STX3: variants seen among roughly 807,000 people sequenced by gnomAD.
STX3 encodes syntaxin 3.
In STX3, 19 loss-of-function variants were observed where a neutral mutation model predicts 40.2. The ratio of observed to expected loss-of-function variants is 0.47; its 90% CI spans 0.33 to 0.69. The LOEUF (loss-of-function observed/expected upper bound fraction) is 0.69. STX3 is among the 30% of genes least tolerant of loss of function. The pLI is 0.02. For missense variants in STX3, 364 were observed against 366.7 expected (o/e 0.99, Z 0.06); for synonymous variants, 122 against 132.2 (o/e 0.92, Z 0.53).
intron 2 of STX3, among the ~76,000 whole-genome samples, chr11:59,783,052 A>G (rs1259802039): frequency 6.6e-6 from 1 of 151,456 alleles, no homozygotes; most frequent in Non-Finnish European, 1.5e-5. Flanking sequence ...GGAATATATT[A>G]GCTGTAAATT....
chr11:59,793,959 C>A (rs1175812315), intron 8 of STX3, among the ~76,000 whole-genome samples: 1 of 152,062 alleles, frequency 6.6e-6, no homozygotes, highest in East Asian at 1.9e-4. Flanking sequence ...GAGATCCGGG[C>A]TCCTAATGGT....
chr11:59,801,017 C>T lies in STX3; in HGVS notation c.*193C>T. 6.6e-7 allele frequency: 1 copy of T among 1,509,066 alleles called. No homozygotes were observed. Among genetic ancestry groups the T allele is most frequent in the Non-Finnish European group, 8.8e-7 (1 of 1,132,216 alleles). 93.5% of individuals were successfully genotyped at this position (1,509,066 alleles called of 1,614,324 possible). On this transcript the variant is annotated 3_prime_UTR_variant, in exon 11 of 11. Coordinates refer to ENST00000337979, the MANE Select transcript of STX3 (RefSeq NM_004177.5). ...TCTAGCCCTGGGGGAATGTGATCTA[C>T]CTGATGCGACCCTGAGTTCTCCCCA... is the stretch of plus-strand genomic sequence containing the variant.
At chr11:59,758,792 T>G (rs1253500826) in intron 1 of STX3, among the ~76,000 whole-genome samples, 1 of 152,240 alleles carries the variant, frequency 6.6e-6, no homozygotes, top group African/African-American at 2.4e-5. Context: ...GACAGTTCCA[T>G]GCTTTTGCAT....
At chr11:59,773,135 G>C in intron 1 of STX3, 76 bp from the exon 2 acceptor site, 3 of 1,393,180 alleles carry the variant, frequency 2.2e-6, no homozygotes. Context: ...ATAGTTCCTA[G>C]TACTTCGTGA....
chr11:59,758,656 G>A (rs930444515), intron 1 of STX3, among the ~76,000 whole-genome samples: 1 of 152,130 alleles, frequency 6.6e-6, no homozygotes, highest in African/African-American at 2.4e-5. Flanking sequence ...GGGCTCCCTC[G>A]ACAGCCTGCT....
rs577064611 is a variant in STX3 at position 59,800,658 on chromosome 11, T to C, written c.*31-197T>C. The stretch of plus-strand genomic sequence containing the variant: ...ATAAAAGGCCTAGAGGCTTTTCTAT[T>C]TTTTTCCCCTCTCACAGTAGGGCTT... On this transcript the variant is annotated intron_variant, in intron 10 of 10. Coordinates refer to ENST00000337979, the MANE Select transcript of STX3 (RefSeq NM_004177.5). 4 of 985,400 alleles carry C rather than the reference T, an allele frequency of 4.1e-6. No homozygotes were observed. The South Asian group carries it at 1.4e-4, about 35-fold the overall frequency. The allele number at this position is 985,400 out of a possible 1,614,324, so 61.0% of individuals were successfully genotyped here.
intron 3 of STX3, 45 bp downstream of exon 3, chr11:59,787,181 C>G (rs370150907): frequency 6.4e-7 from 1 of 1,567,074 alleles, no homozygotes. Context: ...TCACCCTTTC[C>G]TTGGAGCTGA....
chr11:59,795,625 G>T, intron 9 of STX3, 143 bp downstream of exon 9: 1 of 1,539,512 alleles, frequency 6.5e-7, no homozygotes, highest in Non-Finnish European at 8.7e-7. Flanking sequence ...ACCGTATTGA[G>T]AACAACATGG....
chr11:59,802,643 G>A lies in STX3; in HGVS notation c.*1819G>A. 1.0e-6 allele frequency: 1 copy of A among 985,752 alleles called. No individual in the cohort carries two copies. Among genetic ancestry groups the A allele is most frequent in the Non-Finnish European group, 1.2e-6 (1 of 829,858 alleles). The allele number at this position is 985,752 out of a possible 1,614,324, so 61.1% of individuals were successfully genotyped here. ...TTTTTGTTGTTGTTTGTATTTTTTAGATGTAAACTTGATTATTTTATTGCT... is the reference window on the plus strand; with the variant it reads ...TTTTTGTTGTTGTTTGTATTTTTTAAATGTAAACTTGATTATTTTATTGCT... On this transcript the variant is annotated 3_prime_UTR_variant, in exon 11 of 11. Coordinates refer to ENST00000337979, the MANE Select transcript of STX3 (RefSeq NM_004177.5).
chr11:59,766,192 TC>T (rs1863274740), intron 1 of STX3, among the ~76,000 whole-genome samples: 1 of 152,226 alleles, frequency 6.6e-6, no homozygotes, highest in African/African-American at 2.4e-5. Flanking sequence ...ACTGTGCTCT[TC>T]ATCTGGGATG....
chr11:59,763,348 G>A (rs1863132727), intron 1 of STX3, among the ~76,000 whole-genome samples: 1 of 152,036 alleles, frequency 6.6e-6, no homozygotes, highest in Non-Finnish European at 1.5e-5. Context: ...CTACCTAGAG[G>A]GCCTTTTCCC....
At chr11:59,782,511 A>G (rs1027473694) in intron 2 of STX3, among the ~76,000 whole-genome samples, 2 of 152,220 alleles carry the variant, frequency 1.3e-5, no homozygotes, top group African/African-American at 4.8e-5. Flanking sequence ...CAAAAACTCT[A>G]AAGTGGGAGT....
At chr11:59,779,751 G>C (rs929597792) in intron 2 of STX3, among the ~76,000 whole-genome samples, 40 of 152,120 alleles carry the variant, frequency 2.6e-4, no homozygotes, top group Admixed American at 1.0e-3. Flanking sequence ...TGTGGGCATA[G>C]TGCAGCAGAG....
rs140041999 is a variant in STX3, at chr11:59,788,365, G to C, written c.215-508G>C. ...TAGTTTCTAGCTCTGTTCCAAAGTTGTAGTAGGGGCTGAAGGATGGCTTTT... is the reference window on the plus strand; with the variant it reads ...TAGTTTCTAGCTCTGTTCCAAAGTTCTAGTAGGGGCTGAAGGATGGCTTTT... On this transcript the variant is annotated intron_variant, in intron 3 of 10. Coordinates refer to ENST00000337979, the MANE Select transcript of STX3 (RefSeq NM_004177.5). Among the ~76,000 whole-genome samples, 760 of 152,326 alleles carry C rather than the reference G, an allele frequency of 5.0e-3. 11 individuals are homozygous for C. The highest frequency in any genetic ancestry group is 0.017 in the African/African-American group (715 of 41,574).
At chr11:59,755,923 G>GC (rs1251447536) in intron 1 of STX3, among the ~76,000 whole-genome samples, 4 of 152,242 alleles carry the variant, frequency 2.6e-5, no homozygotes, top group Non-Finnish European at 4.4e-5. Context: ...GGGTGCTTGG[G>GC]CCCGGGAGGT....
intron 1 of STX3, among the ~76,000 whole-genome samples, chr11:59,765,038 C>T (rs935283704): frequency 1.3e-5 from 2 of 152,054 alleles, no homozygotes; most frequent in Non-Finnish European, 2.9e-5. Flanking sequence ...CTTCATCTTT[C>T]AAATAGGGCT....
chr11:59,755,560 G>T lies in STX3; in HGVS notation c.-46G>T. 2 of 1,587,916 alleles carry T rather than the reference G, an allele frequency of 1.3e-6. No homozygotes were observed. Among genetic ancestry groups the T allele is most frequent in the South Asian group, 1.1e-5 (1 of 90,514 alleles). On this transcript the variant is annotated 5_prime_UTR_variant, in exon 1 of 11. Transcript: ENST00000337979. Reference sequence around the variant, plus strand: ...CCTGGGAAGCGCTCACCTGGGACGCGCTCACCTGGGACGCGCTACCTGCCT... The same window carrying T: ...CCTGGGAAGCGCTCACCTGGGACGCTCTCACCTGGGACGCGCTACCTGCCT...
intron 2 of STX3, among the ~76,000 whole-genome samples, chr11:59,779,443 A>G (rs945483984): frequency 2.6e-5 from 4 of 152,206 alleles, no homozygotes; most frequent in Admixed American, 2.6e-4. Context: ...CAAAGGTCCC[A>G]TCTCCCTCTA....
intron 8 of STX3, among the ~76,000 whole-genome samples, chr11:59,793,808 T>TG (rs201674538): frequency 2.6e-4 from 36 of 138,260 alleles, no homozygotes; most frequent in Middle Eastern, 3.8e-3. Flanking sequence ...GGATTTTTGA[T>TG]TTTTTTTTTT....
Sources: allele counts gnomAD v4.1 joint callset (sites outside exome capture counted in the v4.1 genomes callset), GRCh38; gene constraint gnomAD v4.1.1; transcripts MANE v1.5; gene names NCBI Gene and HGNC (gene_info 2026-07-23, HGNC 2026-07-21).